SLC39A8: variants seen among roughly 807,000 people sequenced by gnomAD.
The protein encoded by SLC39A8 is solute carrier family 39 member 8, also known as metal cation symporter ZIP8.
A neutral mutation model predicts 40.4 loss-of-function variants in SLC39A8; 15 were observed. That is an observed-to-expected ratio of 0.37 (90% CI 0.25 to 0.57). The LOEUF is 0.57. Ranked by LOEUF, SLC39A8 falls within the 20% of genes least tolerant of loss-of-function variation. The pLI, the probability that SLC39A8 is intolerant of heterozygous loss-of-function variation, is 0.75. For synonymous variants in SLC39A8, 223 were observed against 221.6 expected (o/e 1.01, Z -0.06); for missense variants, 472 against 558.8 (o/e 0.84, Z 1.57).
intron 6 of SLC39A8, among the ~76,000 whole-genome samples, chr4:102,291,048 C>T (rs1733418019): frequency 1.3e-5 from 2 of 151,988 alleles, no homozygotes; most frequent in Non-Finnish European, 2.9e-5. Flanking sequence ...CTGGCCTTTC[C>T]TCTCTGTCTT....
intron 6 of SLC39A8, among the ~76,000 whole-genome samples, chr4:102,280,296 T>G (rs1045058352): frequency 5.3e-5 from 8 of 152,224 alleles, no homozygotes; most frequent in African/African-American, 1.7e-4. Context: ...GTGCTCAGAG[T>G]TTTACAAAGT....
chr4:102,315,655 G>A lies in SLC39A8; in HGVS notation c.382+13C>T. On this transcript the variant is annotated intron_variant, in intron 3 of 8. Coordinates refer to ENST00000356736, the MANE Select transcript of SLC39A8 (RefSeq NM_001135146.2). ...ACTTTTCAAATAAAAGAGAAAAAATGCTTCTAATATACCTTCTGAATGACT... is the reference window on the plus strand; with the variant it reads ...ACTTTTCAAATAAAAGAGAAAAAATACTTCTAATATACCTTCTGAATGACT... 1 of 1,576,438 alleles carries A rather than the reference G, an allele frequency of 6.3e-7. No individual in the cohort carries two copies. Among genetic ancestry groups the A allele is most frequent in the Non-Finnish European group, 8.6e-7 (1 of 1,164,248 alleles).
intron 6 of SLC39A8, among the ~76,000 whole-genome samples, chr4:102,277,757 A>G (rs1732687106): frequency 6.6e-6 from 1 of 152,216 alleles, no homozygotes; most frequent in South Asian, 2.1e-4. Flanking sequence ...TACAGTAACC[A>G]AGACAGCATA....
At chr4:102,326,950 C>T (rs1334460688) in intron 2 of SLC39A8, among the ~76,000 whole-genome samples, 1 of 152,174 alleles carries the variant, frequency 6.6e-6, no homozygotes, top group Non-Finnish European at 1.5e-5. Context: ...CCCTTGCACA[C>T]ACACATACCA....
downstream of SLC39A8, among the ~76,000 whole-genome samples, chr4:102,260,298 G>T (rs961834197): frequency 2.6e-5 from 4 of 152,156 alleles, no homozygotes; most frequent in African/African-American, 9.7e-5. Flanking sequence ...AGAGAATTCT[G>T]ATTTTATTGC....
At chr4:102,286,655 G>A (rs1186171527) in intron 6 of SLC39A8, among the ~76,000 whole-genome samples, 1 of 152,074 alleles carries the variant, frequency 6.6e-6, no homozygotes, top group Admixed American at 6.6e-5. Flanking sequence ...TAATTGAGAA[G>A]CTTTAGGTGC....
chr4:102,285,040 G>A lies in SLC39A8; in HGVS notation c.841-16961C>T, dbSNP rs998561675. Among the ~76,000 whole-genome samples the A allele has an allele frequency of 3.3e-5, 5 of 152,084 alleles. 1 individual carries two copies. In the South Asian group the frequency reaches 6.2e-4, roughly 19 times the overall value. On this transcript the variant is annotated intron_variant, in intron 6 of 8. Transcript: ENST00000356736. ...TTTCACTAAGTTGGTATAAAGGTTCGATAAAGTCATGTTCATTAAGCACTT... is the reference window on the plus strand; with the variant it reads ...TTTCACTAAGTTGGTATAAAGGTTCAATAAAGTCATGTTCATTAAGCACTT...
In SLC39A8 at chr4:102,262,227, T is replaced by G; in HGVS notation, c.*817A>C. 1 of 985,974 alleles carries G rather than the reference T, an allele frequency of 1.0e-6. No homozygotes were observed. The highest frequency in any genetic ancestry group is 1.2e-6 in the Non-Finnish European group (1 of 829,926). 61.1% of individuals were successfully genotyped at this position (985,974 alleles called of 1,614,324 possible). On this transcript the variant is annotated 3_prime_UTR_variant, in exon 9 of 9. Transcript: ENST00000356736. ...AATTTCTTTCTCTAAACCAACATAT[T>G]CTTCACCTTCACAAAGCAAACACAT... is the stretch of plus-strand genomic sequence containing the variant.
intron 2 of SLC39A8, among the ~76,000 whole-genome samples, chr4:102,330,335 G>A (rs1026244740): frequency 6.6e-6 from 1 of 152,024 alleles, no homozygotes; most frequent in African/African-American, 2.4e-5. Context: ...AATGATAAAG[G>A]GGAAATTACC....
downstream of SLC39A8, among the ~76,000 whole-genome samples, chr4:102,257,042 G>C (rs905821479): frequency 6.6e-6 from 1 of 152,152 alleles, no homozygotes; most frequent in African/African-American, 2.4e-5. Context: ...GATGAACTAG[G>C]TACGGAAATT....
At chr4:102,330,036 T>C (rs193199340) in intron 2 of SLC39A8, among the ~76,000 whole-genome samples, 45 of 152,278 alleles carry the variant, frequency 3.0e-4, no homozygotes, top group Admixed American at 6.5e-4. Flanking sequence ...TAGAAGGAAA[T>C]TTATAGCATT....
chr4:102,335,577 T>C (rs1735630700), intron 2 of SLC39A8, among the ~76,000 whole-genome samples: 2 of 152,168 alleles, frequency 1.3e-5, no homozygotes, highest in Admixed American at 1.3e-4. Context: ...TCCCCAAACA[T>C]TCACATTTCA....
At chr4:102,265,576 A>C (rs1296981146) in intron 8 of SLC39A8, among the ~76,000 whole-genome samples, 1 of 152,240 alleles carries the variant, frequency 6.6e-6, no homozygotes, top group Non-Finnish European at 1.5e-5. Flanking sequence ...GTTGCCAAAA[A>C]CTTTCAATGT....
chr4:102,333,829 C>T (rs1735565128), intron 2 of SLC39A8, among the ~76,000 whole-genome samples: 1 of 151,674 alleles, frequency 6.6e-6, no homozygotes. Context: ...ATAAAACAGG[C>T]TCGAGATGGA....
chr4:102,330,116 G>C (rs1307894925), intron 2 of SLC39A8, among the ~76,000 whole-genome samples: 1 of 152,130 alleles, frequency 6.6e-6, no homozygotes, highest in South Asian at 2.1e-4. Flanking sequence ...AAGAACTAGA[G>C]AAGCAAGAGC....
At chr4:102,301,891 T>A (rs891246993) in intron 6 of SLC39A8, among the ~76,000 whole-genome samples, 1 of 152,080 alleles carries the variant, frequency 6.6e-6, no homozygotes, top group Non-Finnish European at 1.5e-5. Flanking sequence ...ACAGCCATCC[T>A]CCTTTCTAAA....
intron 6 of SLC39A8, among the ~76,000 whole-genome samples, chr4:102,274,032 T>G (rs1340468332): frequency 1.3e-5 from 2 of 152,062 alleles, no homozygotes; most frequent in Non-Finnish European, 2.9e-5. Flanking sequence ...AAAACCAGAA[T>G]GCTTCTTCTC....
At chr4:102,338,118 A>G (rs1025861860) in intron 2 of SLC39A8, among the ~76,000 whole-genome samples, 3 of 151,958 alleles carry the variant, frequency 2.0e-5, no homozygotes, top group Non-Finnish European at 4.4e-5. Flanking sequence ...TATGTTTTAC[A>G]ATGTCTGCTT....
intron 6 of SLC39A8, among the ~76,000 whole-genome samples, chr4:102,281,512 C>CTA (rs1186570841): frequency 2.6e-5 from 4 of 152,218 alleles, no homozygotes; most frequent in African/African-American, 9.6e-5. Flanking sequence ...CAGAGAAGAT[C>CTA]TAGAAACACA....
Sources: allele counts gnomAD v4.1 joint callset (sites outside exome capture counted in the v4.1 genomes callset), GRCh38; gene constraint gnomAD v4.1.1; transcripts MANE v1.5; gene names NCBI Gene and HGNC (gene_info 2026-07-23, HGNC 2026-07-21).